RPTOR: variants seen among roughly 807,000 people sequenced by gnomAD.
RPTOR encodes regulatory-associated protein of mTOR.
Under a neutral mutation model 169.9 loss-of-function variants are expected in RPTOR, and 21 were observed. That is an observed-to-expected ratio of 0.12 (90% confidence interval 0.09 to 0.18). The LOEUF is 0.18. Among genes scored for constraint, RPTOR ranks in the 10% least tolerant of loss-of-function variants. The pLI is 1.00. For missense variants in RPTOR, 1,133 were observed against 1,855.9 expected (o/e 0.61, Z 7.16); for synonymous variants, 732 against 753.2 (o/e 0.97, Z 0.46).
Position 80,743,861 on chromosome 17 carries a change from GGC to G in RPTOR, c.655-10148_655-10147del. Among the ~76,000 whole-genome samples, 13 of 121,600 alleles carry G rather than the reference GGC, an allele frequency of 1.1e-4. 1 individual carries two copies. Among genetic ancestry groups the G allele is most frequent in the Non-Finnish European group, 1.4e-4 (8 of 57,096 alleles). The allele number at this position is 121,600 out of a possible 152,430, so 79.8% of individuals were successfully genotyped here. ...CAGCCCTGGTTACTAGCAGAGCCCT[GGC>G]TACTAGCACAGCCCTGGCTACTAGC... On this transcript the variant is annotated intron_variant, in intron 5 of 33. Transcript: ENST00000306801.
At chr17:80,732,160 T>C (rs533728319) in intron 5 of RPTOR, among the ~76,000 whole-genome samples, 18 of 149,442 alleles carry the variant, frequency 1.2e-4, no homozygotes, top group East Asian at 7.7e-4. Context: ...GTAATAAATA[T>C]CGCAAAAAAA....
intron 25 of RPTOR, chr17:80,941,471 G>T (rs2069027298): frequency 6.6e-6 from 1 of 152,408 alleles, no homozygotes; most frequent in Non-Finnish European, 1.5e-5. Flanking sequence ...AGGGGCCCAG[G>T]CCCAGCCCTA....
At chr17:80,856,760 T>C (rs2067857130) in intron 12 of RPTOR, among the ~76,000 whole-genome samples, 1 of 152,236 alleles carries the variant, frequency 6.6e-6, no homozygotes, top group African/African-American at 2.4e-5. Flanking sequence ...CATAACAGTT[T>C]AGAAAGAGTT....
intron 20 of RPTOR, among the ~76,000 whole-genome samples, chr17:80,896,584 C>T (rs1048889593): frequency 5.5e-5 from 7 of 127,684 alleles, no homozygotes; most frequent in African/African-American, 1.4e-4. Flanking sequence ...ACACCCCACA[C>T]GGCCGCGCCG....
chr17:80,802,281 C>A (rs1481755008), intron 7 of RPTOR: 3 of 152,340 alleles, frequency 2.0e-5, no homozygotes, highest in Non-Finnish European at 2.9e-5. Flanking sequence ...CCTCACGGCT[C>A]TGCACCTCCC....
rs139778860 is a variant in RPTOR at position 80,877,704 on chromosome 17, G to A, written c.1510-2711G>A. On this transcript the variant is annotated intron_variant, in intron 13 of 33. Transcript: ENST00000306801. ...CTGGCCCTCTGGGCTGAGTCTTTAC[G>A]TGGACGGCGGTCGATGCATCTCAGT... 1.5e-3 allele frequency among the ~76,000 whole-genome samples: 235 copies of A among 152,250 alleles called. 2 individuals carry two copies. Among genetic ancestry groups the A allele is most frequent in the African/African-American group, 5.4e-3 (223 of 41,534 alleles).
At position 80,955,161 on chromosome 17, in the gene RPTOR, C is replaced by T. The variant is rs189099964; in HGVS notation, c.3371-2463C>T. Among the ~76,000 whole-genome samples, 152 of 152,286 alleles carry T rather than the reference C, an allele frequency of 1.0e-3. 2 individuals are homozygous for T. Among genetic ancestry groups the T allele is most frequent in the Admixed American group, 6.2e-3 (95 of 15,288 alleles). On this transcript the variant is annotated intron_variant, in intron 28 of 33. Coordinates refer to ENST00000306801, the MANE Select transcript of RPTOR (RefSeq NM_020761.3). ...TTATTAATACACTTTTGATTATATT[C>T]CCAGGAGAGATTTTTATAAAATGCA...
At chr17:80,901,426 C>G (rs546479215) in intron 20 of RPTOR, among the ~76,000 whole-genome samples, 1 of 151,978 alleles carries the variant, frequency 6.6e-6, no homozygotes, top group East Asian at 1.9e-4. Context: ...GTATATCATT[C>G]AAATCTTAGG....
rs746698904 is a variant in RPTOR, at chr17:80,730,541, C to G, written c.508-19C>G. 1.2e-5 allele frequency: 19 copies of G among 1,611,140 alleles called. No individual in the cohort carries two copies. Among genetic ancestry groups the G allele is most frequent in the Non-Finnish European group, 1.1e-5 (13 of 1,177,486 alleles). The stretch of plus-strand genomic sequence containing the variant: ...TCCTGAGACGCACATGTAACGAGCG[C>G]ACTTTGTGTGTTTTCTAGAACTACA... On this transcript the variant is annotated intron_variant, in intron 4 of 33. Transcript: ENST00000306801. The surrounding 1 kb of genome is among the most constrained non-coding windows in gnomAD (Gnocchi z 4.2).
chr17:80,720,302 A>G (rs886423688), intron 4 of RPTOR, among the ~76,000 whole-genome samples: 2 of 152,228 alleles, frequency 1.3e-5, no homozygotes, highest in Non-Finnish European at 2.9e-5. Flanking sequence ...TCTCAAAAAA[A>G]AAAAGATGGA....
intron 1 of RPTOR, among the ~76,000 whole-genome samples, chr17:80,611,161 C>T (rs1046996846): frequency 2.0e-5 from 3 of 152,150 alleles, no homozygotes; most frequent in Non-Finnish European, 4.4e-5. Context: ...TCACACTCAC[C>T]ACTTTGACAC....
chr17:80,678,412 C>T (rs4372742), intron 3 of RPTOR, among the ~76,000 whole-genome samples: 5 of 152,122 alleles, frequency 3.3e-5, no homozygotes, highest in Non-Finnish European at 7.4e-5. Flanking sequence ...CGAGACCAGC[C>T]TGGGCAACAT....
intron 21 of RPTOR, among the ~76,000 whole-genome samples, chr17:80,912,491 C>T (rs1313274475): frequency 6.6e-6 from 1 of 152,144 alleles, no homozygotes; most frequent in Non-Finnish European, 1.5e-5. Flanking sequence ...AAACTGTAAT[C>T]CGAGTGCCTA....
intron 9 of RPTOR, among the ~76,000 whole-genome samples, chr17:80,826,106 A>T (rs979049948): frequency 6.6e-6 from 1 of 152,066 alleles, no homozygotes; most frequent in Non-Finnish European, 1.5e-5. Context: ...CACCCAGAAG[A>T]GGGCCTGACA....
chr17:80,836,602 G>A (rs56954423), intron 9 of RPTOR, among the ~76,000 whole-genome samples: 13,657 of 152,208 alleles, frequency 0.09, 687 homozygotes, highest in East Asian at 0.18. Context: ...CAGAGGTGCT[G>A]GGGTGTGCCA....
In RPTOR at chr17:80,749,395, C is replaced by T. The variant is rs1476988207; in HGVS notation, c.655-4615C>T. ...GGGACTGCGGTGTGTGTTTAGACGC[C>T]GTGGCGGGAGGACCTGTTGGGTGGA... On this transcript the variant is annotated intron_variant, in intron 5 of 33. Coordinates refer to ENST00000306801, the MANE Select transcript of RPTOR (RefSeq NM_020761.3). Among the ~76,000 whole-genome samples, 5 of 63,122 alleles carry T rather than the reference C, an allele frequency of 7.9e-5. 1 individual carries two copies. Among genetic ancestry groups the T allele is most frequent in the East Asian group, 5.8e-4 (1 of 1,728 alleles). 41.4% of individuals were successfully genotyped at this position (63,122 alleles called of 152,430 possible).
intron 1 of RPTOR, among the ~76,000 whole-genome samples, chr17:80,592,621 A>T (rs1266389109): frequency 1.3e-5 from 2 of 152,166 alleles, no homozygotes; most frequent in East Asian, 3.8e-4. Context: ...ATTTTCACTT[A>T]TCTCTATGAT....
At chr17:80,638,622 T>C (rs528592519) in intron 2 of RPTOR, among the ~76,000 whole-genome samples, 3 of 152,080 alleles carry the variant, frequency 2.0e-5, no homozygotes, top group Non-Finnish European at 4.4e-5. Context: ...AGGTTTAACA[T>C]ACTGTTTTCT....
intron 1 of RPTOR, among the ~76,000 whole-genome samples, chr17:80,560,952 C>CG (rs2084479146): frequency 1.3e-5 from 2 of 151,872 alleles, no homozygotes; most frequent in Non-Finnish European, 2.9e-5. Flanking sequence ...ATCTGTGAGC[C>CG]GGGGGGCTGG....
Sources: gnomAD v4.1 joint callset for allele counts (sites outside exome capture counted in the v4.1 genomes callset) on GRCh38, gnomAD v4.1.1 for gene constraint, Gnocchi (gnomAD v3.1) non-coding constraint, MANE v1.5 for transcripts, NCBI Gene and HGNC (gene_info 2026-07-23, HGNC 2026-07-21) for gene names.